The following CDH13 variants were observed in gnomAD, a reference collection of about 807,000 sequenced individuals.
CDH13 encodes the protein cadherin 13, also known as cadherin-13.
Under a neutral mutation model 63.8 loss-of-function variants are expected in CDH13, and 24 were observed. The observed-to-expected ratio is 0.38, with a 90% CI of 0.27 to 0.53. The LOEUF (loss-of-function observed/expected upper bound fraction) is 0.53, where lower values mean the gene tolerates loss of function less well. Among genes scored for constraint, CDH13 ranks in the 20% least tolerant of loss-of-function variants. The probability of loss-of-function intolerance (pLI) is 0.85; values close to 1 mark genes in which losing one functional copy is unlikely to be tolerated. For synonymous variants in CDH13, 503 were observed against 355.3 expected, an observed-to-expected ratio of 1.42 and a Z score of -4.67; for missense variants, 1,049 against 903.1, an observed-to-expected ratio of 1.16 and a Z score of -2.07.
At chr16:83,296,895 T>C (rs4782766) in intron 5 of CDH13, among the ~76,000 whole-genome samples, 80,150 of 152,064 alleles carry the variant, frequency 0.53, 22,029 homozygotes, top group South Asian at 0.68. Flanking sequence ...CCCAGTTTCA[T>C]GATGGATTGG....
At chr16:83,187,140 T>G (rs1238644029) in intron 4 of CDH13, among the ~76,000 whole-genome samples, 1 of 152,056 alleles carries the variant, frequency 6.6e-6, no homozygotes, top group Non-Finnish European at 1.5e-5. Context: ...ACAACTAATT[T>G]TTATGTTTTT....
intron 1 of CDH13, among the ~76,000 whole-genome samples, chr16:82,662,937 A>G (rs980232997): frequency 4.6e-5 from 7 of 152,158 alleles, no homozygotes; most frequent in African/African-American, 1.2e-4. Flanking sequence ...CTTCTCCCAT[A>G]TGACAAATCG....
chr16:83,083,757 C>G (rs763429830), intron 3 of CDH13, among the ~76,000 whole-genome samples: 1 of 152,208 alleles, frequency 6.6e-6, no homozygotes, highest in African/African-American at 2.4e-5. Flanking sequence ...AACTTTCTTA[C>G]TCTTAGCAGC....
At chr16:83,174,874 A>G (rs1209635136) in intron 4 of CDH13, among the ~76,000 whole-genome samples, 2 of 152,080 alleles carry the variant, frequency 1.3e-5, no homozygotes, top group South Asian at 4.2e-4. Context: ...AGAACTGCCA[A>G]ACACTTTTAA....
At chr16:83,760,635 C>T (rs893748343) in intron 11 of CDH13, among the ~76,000 whole-genome samples, 7 of 152,290 alleles carry the variant, frequency 4.6e-5, no homozygotes, top group East Asian at 1.9e-4. Context: ...CAAACCCAGG[C>T]GAAATTAATC....
intron 3 of CDH13, among the ~76,000 whole-genome samples, chr16:83,095,381 A>G (rs11641730): frequency 0.29 from 44,515 of 152,114 alleles, 7,218 homozygotes; most frequent in East Asian, 0.64. Flanking sequence ...ACTAAATGCC[A>G]TATGGTTTTA....
chr16:83,512,393 G>A (rs1409742556), intron 7 of CDH13, among the ~76,000 whole-genome samples: 1 of 143,478 alleles, frequency 7.0e-6, no homozygotes, highest in East Asian at 2.1e-4. Flanking sequence ...AGGAAGGGCT[G>A]GGCGTGGTGG....
intron 7 of CDH13, among the ~76,000 whole-genome samples, chr16:83,500,818 G>A (rs994830487): frequency 5.9e-5 from 9 of 151,718 alleles, no homozygotes; most frequent in Non-Finnish European, 1.3e-4. Context: ...GACCTCAGGC[G>A]ATCCACCCGC....
At chr16:83,633,018 AT>A (rs1910920715) in intron 8 of CDH13, among the ~76,000 whole-genome samples, 1 of 152,142 alleles carries the variant, frequency 6.6e-6, no homozygotes, top group Admixed American at 6.5e-5. Context: ...ATGCTAATGT[AT>A]TATAATTAGC....
intron 6 of CDH13, among the ~76,000 whole-genome samples, chr16:83,389,117 C>T (rs2091735267): frequency 6.6e-6 from 1 of 152,164 alleles, no homozygotes; most frequent in Admixed American, 6.5e-5. Context: ...GGCTTGAAGA[C>T]TTAGTTCTCA....
chr16:83,653,761 A>G (rs1912608566), intron 8 of CDH13, among the ~76,000 whole-genome samples: 2 of 152,120 alleles, frequency 1.3e-5, no homozygotes, highest in South Asian at 4.2e-4. Context: ...TGGGTATTTG[A>G]TTATTTATGT....
At chr16:82,768,264 C>CTGTGCAAGG (rs1325498765) in intron 1 of CDH13, among the ~76,000 whole-genome samples, 2 of 152,198 alleles carry the variant, frequency 1.3e-5, no homozygotes, top group African/African-American at 2.4e-5. Flanking sequence ...AGTGGCCTGA[C>CTGTGCAAGG]TGTGCAAGGT....
rs146291369 is a variant in CDH13 at position 83,498,841 on chromosome 16, C to T, written c.960+12186C>T. Reference sequence around the variant, plus strand: ...CTCATCAGGCCATAGGCTTCAGTGCCGCATTATCATATGGGCCAGGTGGGC... The same window carrying T: ...CTCATCAGGCCATAGGCTTCAGTGCTGCATTATCATATGGGCCAGGTGGGC... On this transcript the variant is annotated intron_variant, in intron 7 of 13. Coordinates refer to ENST00000567109, the MANE Select transcript of CDH13 (RefSeq NM_001257.5). Among the ~76,000 whole-genome samples the T allele has an allele frequency of 3.2e-3, 493 of 152,246 alleles. 2 individuals are homozygous for T. The highest frequency in any genetic ancestry group is 0.011 in the African/African-American group (463 of 41,542).
At chr16:83,379,516 A>G (rs905093005) in intron 6 of CDH13, among the ~76,000 whole-genome samples, 16 of 152,172 alleles carry the variant, frequency 1.1e-4, no homozygotes, top group Non-Finnish European at 2.2e-4. Flanking sequence ...TCAACCAGTT[A>G]TATATTTACC....
chr16:83,398,447 A>C (rs930134036), intron 6 of CDH13, among the ~76,000 whole-genome samples: 2 of 152,074 alleles, frequency 1.3e-5, no homozygotes, highest in Admixed American at 1.3e-4. Flanking sequence ...TTACAAAGAC[A>C]TTTGCTATTG....
chr16:83,705,403 A>G (rs775938341), intron 10 of CDH13, among the ~76,000 whole-genome samples: 7 of 152,218 alleles, frequency 4.6e-5, no homozygotes, highest in Middle Eastern at 3.4e-3. Flanking sequence ...CGGGCAGATC[A>G]CGAGGTCAGG....
At chr16:82,838,335 A>G (rs2038859246) in intron 1 of CDH13, among the ~76,000 whole-genome samples, 1 of 152,170 alleles carries the variant, frequency 6.6e-6, no homozygotes, top group Admixed American at 6.5e-5. Flanking sequence ...TTATTGTGTT[A>G]TCACTAGTGT....
At chr16:83,285,692 G>A (rs1190779090) in intron 5 of CDH13, among the ~76,000 whole-genome samples, 1 of 152,164 alleles carries the variant, frequency 6.6e-6, no homozygotes, top group Non-Finnish European at 1.5e-5. Flanking sequence ...TTATATAAGA[G>A]ACTTGAGCAT....
At chr16:83,088,207 C>T (rs2033710368) in intron 3 of CDH13, among the ~76,000 whole-genome samples, 1 of 152,198 alleles carries the variant, frequency 6.6e-6, no homozygotes, top group African/African-American at 2.4e-5. Context: ...TGTGTTGACA[C>T]ATTGCAGATT....
Sources: allele counts gnomAD v4.1 joint callset (sites outside exome capture counted in the v4.1 genomes callset), GRCh38; gene constraint gnomAD v4.1.1; transcripts MANE v1.5; gene names NCBI Gene and HGNC (gene_info 2026-07-23, HGNC 2026-07-21).